The following LRRTM4 variants were observed in gnomAD, a reference collection of about 807,000 sequenced individuals.
LRRTM4 encodes leucine-rich repeat transmembrane neuronal protein 4.
A neutral mutation model predicts 47.6 loss-of-function variants in LRRTM4; 25 were observed. The ratio of observed to expected loss-of-function variants is 0.53; its 90% CI spans 0.38 to 0.73. The LOEUF (loss-of-function observed/expected upper bound fraction) is 0.73. Among genes scored for constraint, LRRTM4 ranks in the 30% least tolerant of loss-of-function variants. The pLI is 0.00. For missense variants in LRRTM4, 638 were observed against 713.4 expected (o/e 0.89, Z 1.20); for synonymous variants, 311 against 269.5 (o/e 1.15, Z -1.51).
At chr2:77,070,079 G>A (rs1680100943) in intron 3 of LRRTM4, among the ~76,000 whole-genome samples, 1 of 152,054 alleles carries the variant, frequency 6.6e-6, no homozygotes, top group Non-Finnish European at 1.5e-5. Flanking sequence ...TCGGAAATGA[G>A]GCTATGAATG....
At chr2:76,986,817 T>C (rs1271420560) in intron 3 of LRRTM4, among the ~76,000 whole-genome samples, 1 of 151,968 alleles carries the variant, frequency 6.6e-6, no homozygotes, top group Non-Finnish European at 1.5e-5. Flanking sequence ...GGCCAATACA[T>C]TTCTTCTTTT....
At chr2:77,197,111 A>G (rs977085068) in intron 3 of LRRTM4, among the ~76,000 whole-genome samples, 9 of 152,250 alleles carry the variant, frequency 5.9e-5, no homozygotes, top group African/African-American at 1.9e-4. Context: ...AGACTCGTAC[A>G]TTGTTGAGTA....
At chr2:77,428,872 C>A (rs1466050780) in intron 3 of LRRTM4, among the ~76,000 whole-genome samples, 1 of 152,170 alleles carries the variant, frequency 6.6e-6, no homozygotes, top group Non-Finnish European at 1.5e-5. Context: ...TGTCCCAAGA[C>A]TCTGGTGTAC....
chr2:77,321,568 G>A (rs1194340446), intron 3 of LRRTM4, among the ~76,000 whole-genome samples: 5 of 113,250 alleles, frequency 4.4e-5, no homozygotes, highest in Admixed American at 8.6e-5. Context: ...GGGGGTGTGT[G>A]AAAGAAAAGA....
chr2:77,182,297 C>T, intron 3 of LRRTM4, among the ~76,000 whole-genome samples: 1 of 152,086 alleles, frequency 6.6e-6, no homozygotes, highest in East Asian at 1.9e-4. Flanking sequence ...TGGAAGCCAT[C>T]ATCCTCAGCA....
chr2:77,048,941 T>A lies in LRRTM4; in HGVS notation c.1552-300025A>T, dbSNP rs1679323824. On this transcript the variant is annotated intron_variant, in intron 3 of 3. Transcript: ENST00000409884. ...CATCTCCCCACTCTCTTATCCACCC[T>A]TTAATAACCACCACTCTACTCTCTA... 2.0e-5 allele frequency among the ~76,000 whole-genome samples: 3 copies of A among 151,426 alleles called. No homozygotes were observed. In the South Asian group the frequency reaches 6.2e-4, roughly 31 times the overall value.
intron 3 of LRRTM4, among the ~76,000 whole-genome samples, chr2:76,944,664 C>G (rs1373226537): frequency 6.6e-6 from 1 of 152,036 alleles, no homozygotes. Flanking sequence ...AACTCGTCTG[C>G]TCTCTTCAAT....
intron 3 of LRRTM4, among the ~76,000 whole-genome samples, chr2:76,900,993 A>G (rs796131170): frequency 2.6e-5 from 4 of 152,330 alleles, no homozygotes; most frequent in African/African-American, 7.2e-5. Context: ...AAATTCTCCT[A>G]TTCAAGGAAA....
chr2:76,769,608 T>A (rs1673599177), intron 3 of LRRTM4, among the ~76,000 whole-genome samples: 1 of 152,140 alleles, frequency 6.6e-6, no homozygotes, highest in Non-Finnish European at 1.5e-5. Context: ...CTTTATCACA[T>A]TGGTCCACCT....
intron 3 of LRRTM4, among the ~76,000 whole-genome samples, chr2:77,496,277 C>T (rs1167527244): frequency 6.6e-6 from 1 of 151,866 alleles, no homozygotes; most frequent in Non-Finnish European, 1.5e-5. Context: ...GGCTTTACCA[C>T]AGATTGTTTT....
intron 3 of LRRTM4, among the ~76,000 whole-genome samples, chr2:76,973,473 G>A (rs1427075747): frequency 6.6e-6 from 1 of 151,860 alleles, no homozygotes; most frequent in Non-Finnish European, 1.5e-5. Context: ...TTTCCTGAAG[G>A]TAGACATGCT....
chr2:76,824,785 A>T (rs1671147208), intron 3 of LRRTM4, among the ~76,000 whole-genome samples: 1 of 151,600 alleles, frequency 6.6e-6, no homozygotes, highest in Non-Finnish European at 1.5e-5. Context: ...TAATGGTAGG[A>T]CTGTAATTGG....
intron 3 of LRRTM4, among the ~76,000 whole-genome samples, chr2:77,259,640 T>C (rs941833982): frequency 2.0e-5 from 3 of 151,934 alleles, no homozygotes; most frequent in East Asian, 3.9e-4. Context: ...GGTTAAAATG[T>C]AGGCACACCC....
chr2:77,253,944 A>G (rs1016848046), intron 3 of LRRTM4, among the ~76,000 whole-genome samples: 3 of 151,502 alleles, frequency 2.0e-5, no homozygotes, highest in Non-Finnish European at 4.4e-5. Context: ...AAAGATAGTT[A>G]AAGAAACAGT....
rs961479052 is a variant in LRRTM4, at chr2:77,075,579, TATG to T, written c.1552-326666_1552-326664del. Among the ~76,000 whole-genome samples, 5 of 152,144 alleles carry T rather than the reference TATG, an allele frequency of 3.3e-5. No individual in the cohort carries two copies. In the East Asian group the frequency reaches 5.8e-4, roughly 18 times the overall value. On this transcript the variant is annotated intron_variant, in intron 3 of 3. Transcript: ENST00000409884. The stretch of plus-strand genomic sequence containing the variant: ...CTCATACACTCAAATTGTATGCAAA[TATG>T]ATGATAAAAATCAAAATTTAAAATT...
At chr2:76,987,323 ATAATT>A (rs1450335542) in intron 3 of LRRTM4, 1 of 150,804 alleles carries the variant, frequency 6.6e-6, no homozygotes, top group East Asian at 1.9e-4. Context: ...TCAGGATTAA[ATAATT>A]TATTCTTTTA....
intron 3 of LRRTM4, among the ~76,000 whole-genome samples, chr2:77,452,442 C>T (rs189019196): frequency 3.2e-4 from 49 of 152,226 alleles, no homozygotes; most frequent in Admixed American, 5.9e-4. Flanking sequence ...ACATTTCTAA[C>T]AAATGAAGAG....
chr2:77,028,827 A>G (rs1678543432), intron 3 of LRRTM4, among the ~76,000 whole-genome samples: 1 of 151,654 alleles, frequency 6.6e-6, no homozygotes. Flanking sequence ...TGAGGTCAGG[A>G]GATCAAGACC....
chr2:76,940,226 C>T (rs1172406262), intron 3 of LRRTM4, among the ~76,000 whole-genome samples: 2 of 152,066 alleles, frequency 1.3e-5, no homozygotes, highest in African/African-American at 4.8e-5. Context: ...ATAGCAAAGA[C>T]ATCGAATCAA....
Sources: gnomAD v4.1 joint callset for allele counts (sites outside exome capture counted in the v4.1 genomes callset) on GRCh38, gnomAD v4.1.1 for gene constraint, MANE v1.5 for transcripts, NCBI Gene and HGNC (gene_info 2026-07-23, HGNC 2026-07-21) for gene names.